STXBP6: variants seen among roughly 807,000 people sequenced by gnomAD.
STXBP6 encodes syntaxin binding protein 6.
In STXBP6, 21 loss-of-function variants were observed where a neutral mutation model predicts 26.9. The observed-to-expected ratio is 0.78, with a 90% CI of 0.55 to 1.12. STXBP6 has a LOEUF of 1.12. Among genes scored for constraint, STXBP6 ranks in the 50% most tolerant of loss-of-function variants. The pLI is 0.00. For missense variants in STXBP6, 232 were observed against 257.9 expected (o/e 0.90, Z 0.69); for synonymous variants, 97 against 92.6 (o/e 1.05, Z -0.27).
chr14:24,847,608 C>G (rs1242439886), intron 4 of STXBP6, among the ~76,000 whole-genome samples: 1 of 152,086 alleles, frequency 6.6e-6, no homozygotes, highest in Non-Finnish European at 1.5e-5. Flanking sequence ...TCAGAACTAC[C>G]ACTTCATGTC....
chr14:24,973,594 C>T (rs1284538258), intron 2 of STXBP6, among the ~76,000 whole-genome samples: 2 of 151,934 alleles, frequency 1.3e-5, no homozygotes, highest in Non-Finnish European at 2.9e-5. Context: ...CTATGTTGGC[C>T]AGGCTGGTCT....
chr14:25,032,501 T>G (rs1410989528), intron 1 of STXBP6, among the ~76,000 whole-genome samples: 1 of 152,180 alleles, frequency 6.6e-6, no homozygotes, highest in African/African-American at 2.4e-5. Context: ...TTCAATCACT[T>G]TATGGAAGGA....
intron 4 of STXBP6, among the ~76,000 whole-genome samples, chr14:24,841,629 A>T (rs903031512): frequency 2.5e-4 from 38 of 152,060 alleles, no homozygotes; most frequent in Middle Eastern, 3.2e-3. Context: ...ATTATGGGTG[A>T]ATTTCTCATT....
At chr14:24,828,054 A>G (rs1594918313) in intron 4 of STXBP6, among the ~76,000 whole-genome samples, 1 of 150,860 alleles carries the variant, frequency 6.6e-6, no homozygotes, top group South Asian at 2.1e-4. Flanking sequence ...TTCCAGCATC[A>G]GTATTGAAAT....
intron 1 of STXBP6, among the ~76,000 whole-genome samples, chr14:25,043,461 CA>C: frequency 6.6e-6 from 1 of 152,136 alleles, no homozygotes; most frequent in Non-Finnish European, 1.5e-5. Flanking sequence ...TTTAATAATT[CA>C]TATACCATAA....
chr14:25,012,385 T>G (rs1223553566), intron 1 of STXBP6, among the ~76,000 whole-genome samples: 1 of 152,088 alleles, frequency 6.6e-6, no homozygotes, highest in Non-Finnish European at 1.5e-5. Flanking sequence ...TCCCAGCACT[T>G]TGGGAGGCCG....
chr14:24,873,228 G>A (rs1041900942), intron 2 of STXBP6, among the ~76,000 whole-genome samples: 2 of 152,008 alleles, frequency 1.3e-5, no homozygotes, highest in Non-Finnish European at 2.9e-5. Flanking sequence ...TTTATTAGTA[G>A]TTTGCTATTC....
In STXBP6 at chr14:24,947,840, C is replaced by T. The variant is rs143784257; in HGVS notation, c.154+26825G>A. ...TGCCTTCACTCTACATGCCACTTCT[C>T]AAGATGTACCTTTTATTTGTAAGGA... On this transcript the variant is annotated intron_variant, in intron 2 of 5. Transcript: ENST00000323944. 1.6e-3 allele frequency among the ~76,000 whole-genome samples: 236 copies of T among 152,214 alleles called. 3 individuals carry two copies. Among genetic ancestry groups the T allele is most frequent in the African/African-American group, 5.5e-3 (229 of 41,538 alleles).
chr14:24,812,638 G>A lies in STXBP6; in HGVS notation c.*71C>T, dbSNP rs1223048287. 8 of 1,524,974 alleles carry A rather than the reference G, an allele frequency of 5.2e-6. No individual in the cohort carries two copies. Among genetic ancestry groups the A allele is most frequent in the South Asian group, 4.5e-5 (4 of 88,478 alleles). 94.5% of individuals were successfully genotyped at this position (1,524,974 alleles called of 1,614,324 possible). A position where few individuals can be genotyped will look rare whatever the true frequency, so the allele number is the denominator to read the frequency against. ...AAAAAAAGAAGCAAGCGGAGGTCCCGAATTCTTGTAAAAACTGCTGAACAA... is the reference window on the plus strand; with the variant it reads ...AAAAAAAGAAGCAAGCGGAGGTCCCAAATTCTTGTAAAAACTGCTGAACAA... On this transcript the variant is annotated 3_prime_UTR_variant, in exon 6 of 6. Coordinates refer to ENST00000323944, the MANE Select transcript of STXBP6 (RefSeq NM_001394410.1).
intron 4 of STXBP6, among the ~76,000 whole-genome samples, chr14:24,852,968 C>T (rs75765739): frequency 0.04 from 6,027 of 152,198 alleles, 165 homozygotes; most frequent in South Asian, 0.064. Flanking sequence ...GATTCTGTTT[C>T]CTTCTCTATA....
intron 4 of STXBP6, among the ~76,000 whole-genome samples, chr14:24,843,403 G>A (rs778219573): frequency 3.3e-5 from 5 of 152,128 alleles, no homozygotes; most frequent in Non-Finnish European, 7.4e-5. Context: ...TGTCCAGGGA[G>A]AAATCAGGTT....
At chr14:25,030,513 C>G (rs2075433837) in intron 1 of STXBP6, among the ~76,000 whole-genome samples, 1 of 152,142 alleles carries the variant, frequency 6.6e-6, no homozygotes. Context: ...ACTATTCCCT[C>G]AAGGGTTCTT....
intron 1 of STXBP6, among the ~76,000 whole-genome samples, chr14:25,014,237 G>A (rs2075097566): frequency 6.6e-6 from 1 of 152,174 alleles, no homozygotes; most frequent in Non-Finnish European, 1.5e-5. Context: ...GCTCACGCCT[G>A]TAATCCCAGC....
chr14:24,845,305 C>G (rs1238007311), intron 4 of STXBP6, among the ~76,000 whole-genome samples: 1 of 152,156 alleles, frequency 6.6e-6, no homozygotes, highest in Non-Finnish European at 1.5e-5. Flanking sequence ...AGCCACCGCG[C>G]CTGGCCATCA....
At chr14:24,990,046 G>C (rs1212206254) in intron 1 of STXBP6, among the ~76,000 whole-genome samples, 1 of 152,188 alleles carries the variant, frequency 6.6e-6, no homozygotes, top group Non-Finnish European at 1.5e-5. Context: ...GTCAGCAAGA[G>C]CTGACTATGA....
intron 2 of STXBP6, among the ~76,000 whole-genome samples, chr14:24,863,101 C>T (rs1332832920): frequency 6.6e-6 from 1 of 152,084 alleles, no homozygotes; most frequent in East Asian, 1.9e-4. Context: ...AAAGGATACT[C>T]TCTTTTTCAA....
intron 2 of STXBP6, among the ~76,000 whole-genome samples, chr14:24,863,222 G>A (rs1322325526): frequency 6.6e-6 from 1 of 152,056 alleles, no homozygotes; most frequent in Non-Finnish European, 1.5e-5. Flanking sequence ...ACCACGATAT[G>A]GTTTTATTAT....
chr14:24,882,163 A>G (rs1425528284), intron 2 of STXBP6, among the ~76,000 whole-genome samples: 1 of 151,394 alleles, frequency 6.6e-6, no homozygotes, highest in East Asian at 2.0e-4. Flanking sequence ...GCGGATCACG[A>G]GGTCAGGAGA....
chr14:24,915,505 T>G (rs190490513), intron 2 of STXBP6, among the ~76,000 whole-genome samples: 59 of 152,282 alleles, frequency 3.9e-4, no homozygotes, highest in African/African-American at 1.4e-3. Flanking sequence ...GCAAAAATAA[T>G]ACATTAGGTA....
Sources: gnomAD v4.1 joint callset for allele counts (sites outside exome capture counted in the v4.1 genomes callset) on GRCh38, gnomAD v4.1.1 for gene constraint, MANE v1.5 for transcripts, NCBI Gene and HGNC (gene_info 2026-07-23, HGNC 2026-07-21) for gene names.